TNIK: variants seen among roughly 807,000 people sequenced by gnomAD.
TNIK encodes TRAF2 and NCK interacting kinase.
In TNIK, 49 loss-of-function variants were observed where a neutral mutation model predicts 191.3. The ratio of observed to expected loss-of-function variants is 0.26; its 90% CI spans 0.20 to 0.32. TNIK has a LOEUF of 0.32. TNIK is among the 10% of genes least tolerant of loss of function. TNIK has a pLI of 1.00. For missense variants in TNIK, 1,155 were observed against 1,702.3 expected, an observed-to-expected ratio of 0.68 and a Z score of 5.66; for synonymous variants, 594 against 600.9, an observed-to-expected ratio of 0.99 and a Z score of 0.17.
intron 1 of TNIK, among the ~76,000 whole-genome samples, chr3:171,444,463 C>A (rs1178947652): frequency 3.3e-5 from 5 of 151,754 alleles, no homozygotes; most frequent in African/African-American, 1.2e-4. Flanking sequence ...CCTCCTGGGG[C>A]TTCAAACTCA....
intron 3 of TNIK, among the ~76,000 whole-genome samples, chr3:171,214,306 T>A (rs1741205395): frequency 6.6e-6 from 1 of 151,874 alleles, no homozygotes; most frequent in South Asian, 2.1e-4. Context: ...TGAGTTACAA[T>A]GCTTTCCAAA....
chr3:171,351,269 A>ATGTGTGTTTG (rs140083535), intron 2 of TNIK, among the ~76,000 whole-genome samples: 2 of 147,054 alleles, frequency 1.4e-5, no homozygotes, highest in Admixed American at 6.7e-5. Flanking sequence ...ATATATGTAT[A>ATGTGTGTTTG]TATGTGTGTG....
chr3:171,258,331 C>T (rs1747146905), intron 2 of TNIK, among the ~76,000 whole-genome samples: 1 of 152,156 alleles, frequency 6.6e-6, no homozygotes, highest in South Asian at 2.1e-4. Context: ...AGTAAGAAAT[C>T]TTTAAAGAGC....
chr3:171,138,575 A>G (rs1009613029), intron 14 of TNIK, among the ~76,000 whole-genome samples, 196 bp from the exon 15 acceptor site: 1 of 152,102 alleles, frequency 6.6e-6, no homozygotes, highest in Non-Finnish European at 1.5e-5. Context: ...TCTACACAAG[A>G]ATGTGTCATT....
At chr3:171,195,038 A>G (rs944881805) in intron 4 of TNIK, among the ~76,000 whole-genome samples, 1 of 152,220 alleles carries the variant, frequency 6.6e-6, no homozygotes, top group Admixed American at 6.5e-5. Flanking sequence ...TAGGGTTACA[A>G]AAGTGCACAC....
At chr3:171,364,056 C>T (rs1715355048) in intron 2 of TNIK, among the ~76,000 whole-genome samples, 1 of 152,184 alleles carries the variant, frequency 6.6e-6, no homozygotes, top group South Asian at 2.1e-4. Context: ...AACATACAAT[C>T]ATTTTTGCAG....
At chr3:171,311,378 C>T (rs1429274645) in intron 2 of TNIK, among the ~76,000 whole-genome samples, 4 of 152,156 alleles carry the variant, frequency 2.6e-5, no homozygotes, top group African/African-American at 7.2e-5. Context: ...AACAAGCTCA[C>T]GAGTAAGCAC....
chr3:171,091,881 A>G (rs1722112186), intron 23 of TNIK, among the ~76,000 whole-genome samples: 1 of 152,136 alleles, frequency 6.6e-6, no homozygotes, highest in South Asian at 2.1e-4. Flanking sequence ...GAGGACAAAA[A>G]TATTTTGGGT....
At position 171,365,334 on chromosome 3, in the gene TNIK, C is replaced by T. The variant is rs1236822619; in HGVS notation, c.123+4286G>A. On this transcript the variant is annotated intron_variant, in intron 2 of 32. Transcript: ENST00000436636. ...AGTAGCTGGGATTACAGGCATGTGC[C>T]ACCACGCCCAGCTAATTTTGTATTT... 2.6e-5 allele frequency among the ~76,000 whole-genome samples: 4 copies of T among 151,648 alleles called. No individual in the cohort carries two copies. In the East Asian group the frequency reaches 7.7e-4, roughly 29 times the overall value.
At chr3:171,175,390 G>T (rs368930909) in intron 8 of TNIK, 60 bp from the exon 9 acceptor site, 10 of 1,464,500 alleles carry the variant, frequency 6.8e-6, no homozygotes, top group African/African-American at 1.4e-5. Context: ...GGCCAAGCCC[G>T]TCTTGGCTGT....
At chr3:171,313,997 C>A (rs140040963) in intron 2 of TNIK, among the ~76,000 whole-genome samples, 4 of 152,108 alleles carry the variant, frequency 2.6e-5, no homozygotes, top group African/African-American at 9.7e-5. Context: ...CAGAGACCAG[C>A]GCTAATTTAA....
rs534505450 is a variant in TNIK, at chr3:171,097,718, CCT to C, written c.2591+3729_2591+3730del. On this transcript the variant is annotated intron_variant, in intron 22 of 32. Transcript: ENST00000436636. ...CATGTGGAACTGTGAGTCCATTAAA[CCT>C]CTTTTTCTTTATAACTTTATACACT... Among the ~76,000 whole-genome samples, 326 of 152,308 alleles carry C rather than the reference CCT, an allele frequency of 2.1e-3. 1 individual carries two copies. Among genetic ancestry groups the C allele is most frequent in the Non-Finnish European group, 3.4e-3 (233 of 68,026 alleles).
At chr3:171,191,619 C>T (rs1738079338) in intron 5 of TNIK, among the ~76,000 whole-genome samples, 1 of 152,212 alleles carries the variant, frequency 6.6e-6, no homozygotes, top group Non-Finnish European at 1.5e-5. Context: ...CCCATTGTGC[C>T]TTACATTTAA....
At chr3:171,278,473 T>C (rs1750034227) in intron 2 of TNIK, among the ~76,000 whole-genome samples, 2 of 152,156 alleles carry the variant, frequency 1.3e-5, no homozygotes, top group Admixed American at 6.5e-5. Context: ...TAGATACTTA[T>C]TTTTTTAAAA....
intron 8 of TNIK, among the ~76,000 whole-genome samples, chr3:171,176,005 G>A (rs1056755009): frequency 5.9e-5 from 9 of 152,236 alleles, no homozygotes; most frequent in East Asian, 1.9e-4. Flanking sequence ...TGACATTATC[G>A]TTTATAGTGA....
intron 2 of TNIK, among the ~76,000 whole-genome samples, chr3:171,267,975 C>T (rs911786205): frequency 6.6e-6 from 1 of 152,210 alleles, no homozygotes; most frequent in Non-Finnish European, 1.5e-5. Context: ...CTCAGCCACC[C>T]TTTCATTCTT....
chr3:171,263,170 A>G (rs1188988300), intron 2 of TNIK, among the ~76,000 whole-genome samples: 2 of 152,196 alleles, frequency 1.3e-5, no homozygotes, highest in South Asian at 2.1e-4. Context: ...TCCAGCTCAA[A>G]AAGTATGGGA....
At chr3:171,391,493 C>T (rs1719502141) in intron 1 of TNIK, among the ~76,000 whole-genome samples, 1 of 152,232 alleles carries the variant, frequency 6.6e-6, no homozygotes, top group African/African-American at 2.4e-5. Flanking sequence ...ATGGCACTGA[C>T]TTCAATCTGC....
chr3:171,348,287 A>C (rs1375348718), intron 2 of TNIK, among the ~76,000 whole-genome samples: 1 of 152,230 alleles, frequency 6.6e-6, no homozygotes, highest in East Asian at 1.9e-4. Flanking sequence ...TTTCTATAGT[A>C]ATTTCATTAA....
Sources: allele counts gnomAD v4.1 joint callset (sites outside exome capture counted in the v4.1 genomes callset), GRCh38; gene constraint gnomAD v4.1.1; transcripts MANE v1.5; gene names NCBI Gene and HGNC (gene_info 2026-07-23, HGNC 2026-07-21).